The following SPEN variants were observed in gnomAD, a reference collection of about 807,000 sequenced individuals.
SPEN encodes the protein spen family transcriptional repressor, also known as msx2-interacting protein.
In SPEN, 18 loss-of-function variants were observed where a neutral mutation model predicts 269.9. That is an observed-to-expected ratio of 0.07 (90% confidence interval 0.05 to 0.10). The LOEUF (loss-of-function observed/expected upper bound fraction) is 0.10. Ranked by LOEUF, SPEN falls within the 10% of genes least tolerant of loss-of-function variation. The pLI is 1.00. For missense variants in SPEN, 3,822 were observed against 4,631.2 expected (o/e 0.83, Z 5.07); for synonymous variants, 1,726 against 1,765.7 (o/e 0.98, Z 0.56).
In SPEN at chr1:15,935,386, C is replaced by T. The variant is rs774692728; in HGVS notation, c.9146C>T (p.Ala3049Val). ...ASHPSSTAST[A>V]LSTNATVMLA... ...CACCCCAGCAGTACTGCATCTACGG[C>T]GCTCTCCACCAACGCCACAGTCATG... is the stretch of plus-strand genomic sequence containing the variant. The change falls in exon 11 of 15, where the codon GCG becomes GTG. Residue 3049 changes from alanine to valine, a missense_variant. Coordinates refer to ENST00000375759, the MANE Select transcript of SPEN (RefSeq NM_015001.3). The surrounding 1 kb of genome is among the most constrained non-coding windows in gnomAD (Gnocchi z 7.7). The T allele has an allele frequency of 2.3e-5, 37 of 1,614,110 alleles. No individual in the cohort carries two copies. Among genetic ancestry groups the T allele is most frequent in the Middle Eastern group, 3.3e-4 (2 of 6,062 alleles).
At chr1:15,927,403 A>C (rs963141803) in intron 10 of SPEN, among the ~76,000 whole-genome samples, 2 of 152,214 alleles carry the variant, frequency 1.3e-5, no homozygotes, top group African/African-American at 2.4e-5. Context: ...CCATTTTATG[A>C]GTGAGGAGAC....
intron 3 of SPEN, among the ~76,000 whole-genome samples, chr1:15,906,520 G>A (rs1042777455): frequency 2.3e-5 from 3 of 127,766 alleles, no homozygotes; most frequent in African/African-American, 6.3e-5. Flanking sequence ...GTGCAGTGGT[G>A]TGATCAGAGT....
chr1:15,933,801 G>T lies in SPEN; in HGVS notation c.7561G>T (p.Asp2521Tyr). 1 of 1,613,412 alleles carries T rather than the reference G, an allele frequency of 6.2e-7. No homozygotes were observed. The highest frequency in any genetic ancestry group is 8.5e-7 in the Non-Finnish European group (1 of 1,180,034). ...QSTPSPALPP[D>Y]TKASDVDTSS... Reference sequence around the variant, plus strand: ...TACTCCATCTCCAGCTCTTCCCCCAGACACAAAGGCCTCTGATGTTGACAC... The same window carrying T: ...TACTCCATCTCCAGCTCTTCCCCCATACACAAAGGCCTCTGATGTTGACAC... The change falls in exon 11 of 15, where the codon GAC becomes TAC. Residue 2521 changes from aspartate to tyrosine, a missense_variant. Physicochemically the swap from Asp to Tyr is radical, Grantham distance 160. This residue lies in a region of SPEN where 727 missense variants were observed against 737.9 expected (regional missense o/e 0.99). Transcript: ENST00000375759. The surrounding 1 kb of genome is among the most constrained non-coding windows in gnomAD (Gnocchi z 5.7).
chr1:15,909,740 A>T (rs1049721403), intron 4 of SPEN, among the ~76,000 whole-genome samples: 3 of 152,210 alleles, frequency 2.0e-5, no homozygotes, highest in Non-Finnish European at 4.4e-5. Context: ...GAGCATGTAA[A>T]CAAGTTAAAA....
At chr1:15,909,131 T>C (rs986589669) in intron 3 of SPEN, among the ~76,000 whole-genome samples, 190 bp from the exon 4 acceptor site, 3 of 152,220 alleles carry the variant, frequency 2.0e-5, no homozygotes, top group African/African-American at 4.8e-5. Context: ...ATTATACTTT[T>C]GTGCTCCTGC....
intron 3 of SPEN, among the ~76,000 whole-genome samples, chr1:15,905,347 G>C (rs2070945746): frequency 6.6e-6 from 1 of 151,194 alleles, no homozygotes; most frequent in Admixed American, 6.6e-5. Flanking sequence ...TCAGCCTCCT[G>C]AGTAGCTGGG....
At chr1:15,872,761 C>T in intron 1 of SPEN, 55 bp from the exon 2 acceptor site, 15 of 1,429,050 alleles carry the variant, frequency 1.0e-5, no homozygotes, top group Non-Finnish European at 1.4e-5. Flanking sequence ...AATCTAAAAA[C>T]TCATTTTGGA....
At chr1:15,905,379 G>A (rs562418329) in intron 3 of SPEN, among the ~76,000 whole-genome samples, 12 of 148,086 alleles carry the variant, frequency 8.1e-5, no homozygotes, top group Non-Finnish European at 1.6e-4. Context: ...GAGCTGCCAC[G>A]CCCAGCTAAC....
chr1:15,911,968 A>T (rs578225271), intron 5 of SPEN, among the ~76,000 whole-genome samples: 3 of 152,354 alleles, frequency 2.0e-5, no homozygotes, highest in Admixed American at 6.5e-5. Flanking sequence ...CTCAATAAAT[A>T]AATAAAAAGA....
intron 10 of SPEN, among the ~76,000 whole-genome samples, chr1:15,923,079 T>A (rs537130554): frequency 1.1e-3 from 171 of 152,220 alleles, no homozygotes; most frequent in African/African-American, 3.9e-3. Flanking sequence ...ACTTAAAAAA[T>A]AAATAAATAA....
intron 9 of SPEN, among the ~76,000 whole-genome samples, chr1:15,921,828 A>G (rs886382699): frequency 3.9e-5 from 6 of 152,266 alleles, no homozygotes; most frequent in East Asian, 1.9e-4. Flanking sequence ...ATGATAAGCT[A>G]TTTGATAGCT....
chr1:15,939,675 C>T lies in SPEN; in HGVS notation c.*248C>T, dbSNP rs189311173. The T allele has an allele frequency of 1.9e-5, 7 of 366,128 alleles. No individual in the cohort carries two copies. The highest frequency in any genetic ancestry group is 7.0e-4 in the Middle Eastern group (1 of 1,428). The allele number at this position is 366,128 out of a possible 1,614,324, so 22.7% of individuals were successfully genotyped here. On this transcript the variant is annotated 3_prime_UTR_variant, in exon 15 of 15. Coordinates refer to ENST00000375759, the MANE Select transcript of SPEN (RefSeq NM_015001.3). This position sits in a 1 kb window ranked among gnomAD's most constrained non-coding sequence, Gnocchi z 4.1. ...CACCAACCCATGGACTCGCAGACAC[C>T]GGGGCTGGGTTTCTCTTTCCTCTTT... is the stretch of plus-strand genomic sequence containing the variant.
Position 15,848,262 on chromosome 1 carries a change from G to A in SPEN, c.83+112G>A, listed in dbSNP as rs1337555499. ...AGCTGGTGAGGAGGACTCCGGCCCG[G>A]ACCCACGGGCGCTGTGGGACCTCGT... On this transcript the variant is annotated intron_variant, in intron 1 of 14. Transcript: ENST00000375759. This position sits in a 1 kb window ranked among gnomAD's most constrained non-coding sequence, Gnocchi z 5.1. 3.4e-5 allele frequency: 22 copies of A among 638,058 alleles called. No homozygotes were observed. Among genetic ancestry groups the A allele is most frequent in the Non-Finnish European group, 4.8e-5 (21 of 433,144 alleles). 39.5% of individuals were successfully genotyped at this position (638,058 alleles called of 1,614,324 possible).
At position 15,931,477 on chromosome 1, in the gene SPEN, A is replaced by G. The variant is rs1332961872; in HGVS notation, c.5237A>G (p.Glu1746Gly). 1 of 1,614,206 alleles carries G rather than the reference A, an allele frequency of 6.2e-7. No homozygotes were observed. Among genetic ancestry groups the G allele is most frequent in the Non-Finnish European group, 8.5e-7 (1 of 1,180,030 alleles). ...PTPGASFSQA[E>G]SNVDPEPDST... ...CCCGGGGCCTCGTTTTCCCAGGCAGAGAGCAACGTAGATCCAGAGCCTGAC... is the reference window on the plus strand; with the variant it reads ...CCCGGGGCCTCGTTTTCCCAGGCAGGGAGCAACGTAGATCCAGAGCCTGAC... Residue 1746 changes from glutamate to glycine, a missense_variant, in exon 11 of 15, where the codon GAG becomes GGG. Physicochemically the swap from Glu to Gly is moderately conservative, Grantham distance 98 (BLOSUM62 -2). Coordinates refer to ENST00000375759, the MANE Select transcript of SPEN (RefSeq NM_015001.3). The surrounding 1 kb of genome is among the most constrained non-coding windows in gnomAD (Gnocchi z 4.8).
intron 4 of SPEN, among the ~76,000 whole-genome samples, chr1:15,909,955 C>T (rs2070996863): frequency 6.6e-6 from 1 of 151,692 alleles, no homozygotes; most frequent in Non-Finnish European, 1.5e-5. Flanking sequence ...GAAACCCCGT[C>T]TCTACTAAAA....
chr1:15,853,755 G>A (rs2070359057), intron 1 of SPEN, among the ~76,000 whole-genome samples: 2 of 151,596 alleles, frequency 1.3e-5, no homozygotes, highest in Non-Finnish European at 2.9e-5. Context: ...TGCAACCTCT[G>A]CCTTCCCGGT....
intron 1 of SPEN, among the ~76,000 whole-genome samples, chr1:15,854,509 C>T (rs151322080): frequency 1.3e-3 from 205 of 151,922 alleles, no homozygotes; most frequent in Middle Eastern, 6.8e-3. Flanking sequence ...GTTTTTGAGA[C>T]GGAGTTTCGC....
chr1:15,932,282 C>G lies in SPEN; in HGVS notation c.6042C>G (p.Thr2014=), dbSNP rs1358251147. 3.7e-6 allele frequency: 6 copies of G among 1,607,972 alleles called. No homozygotes were observed. Among genetic ancestry groups the G allele is most frequent in the South Asian group, 1.1e-5 (1 of 90,022 alleles). Residue 2014 remains threonine, a synonymous_variant, in exon 11 of 15, where the codon ACC becomes ACG. Transcript: ENST00000375759. This position sits in a 1 kb window ranked among gnomAD's most constrained non-coding sequence, Gnocchi z 4.2. ...TGGATGCTACACGTCCTGAGGCCAC[C>G]ACTGAGGTGGGCCCCCAAATAGGCG... is the stretch of plus-strand genomic sequence containing the variant. The part of the protein sequence containing the change: ...PKVDATRPEA[T]TEVGPQIGVK...
intron 3 of SPEN, among the ~76,000 whole-genome samples, chr1:15,877,738 C>CTTTTT (rs777782248): frequency 3.2e-4 from 34 of 106,802 alleles, no homozygotes; most frequent in Middle Eastern, 7.0e-3. Flanking sequence ...TCAGCTTTCC[C>CTTTTT]TTTTTTTTTT....
Sources: allele counts gnomAD v4.1 joint callset (sites outside exome capture counted in the v4.1 genomes callset), GRCh38; gene constraint gnomAD v4.1.1; regional missense constraint gnomAD v4.1.1; non-coding constraint Gnocchi (gnomAD v3.1); transcripts MANE v1.5; gene names NCBI Gene and HGNC (gene_info 2026-07-23, HGNC 2026-07-21).